The following SUCLG2 variants were observed in gnomAD, a reference collection of about 807,000 sequenced individuals.
SUCLG2 encodes the protein succinate--CoA ligase [GDP-forming] subunit beta, mitochondrial.
A neutral mutation model predicts 47.9 loss-of-function variants in SUCLG2; 42 were observed. That is an observed-to-expected ratio of 0.88 (90% CI 0.69 to 1.14). The LOEUF (loss-of-function observed/expected upper bound fraction) is 1.14. Among genes scored for constraint, SUCLG2 ranks in the 50% most tolerant of loss-of-function variants. The pLI is 0.00. For synonymous variants in SUCLG2, 195 were observed against 197.3 expected (o/e 0.99, Z 0.10); for missense variants, 571 against 525.9 (o/e 1.09, Z -0.84).
intron 1 of SUCLG2, among the ~76,000 whole-genome samples, chr3:67,639,914 C>T (rs1241036048): frequency 2.0e-5 from 3 of 152,214 alleles, no homozygotes; most frequent in Non-Finnish European, 4.4e-5. Flanking sequence ...ATTCTTGCTA[C>T]ATCTAGAGAA....
At chr3:67,481,564 T>C (rs564467449) in intron 9 of SUCLG2, among the ~76,000 whole-genome samples, 2 of 152,294 alleles carry the variant, frequency 1.3e-5, no homozygotes, top group East Asian at 3.9e-4. Flanking sequence ...TCTAACAGCT[T>C]AAAAATTGTT....
At chr3:67,620,537 A>T (rs1265184244) in intron 1 of SUCLG2, among the ~76,000 whole-genome samples, 1 of 142,252 alleles carries the variant, frequency 7.0e-6, no homozygotes, top group Non-Finnish European at 1.5e-5. Context: ...GTGAAACGAG[A>T]ATGCACCATT....
intron 4 of SUCLG2, among the ~76,000 whole-genome samples, chr3:67,523,457 G>A (rs1273199982): frequency 1.3e-5 from 2 of 152,164 alleles, no homozygotes; most frequent in Non-Finnish European, 2.9e-5. Context: ...CCATCAGTCA[G>A]TGCCTAATTC....
At chr3:67,528,653 A>G (rs1271143633) in intron 3 of SUCLG2, among the ~76,000 whole-genome samples, 2 of 152,202 alleles carry the variant, frequency 1.3e-5, no homozygotes, top group Non-Finnish European at 2.9e-5. Context: ...GAAAGTGTTC[A>G]GTGCTAGGAG....
Position 67,654,538 on chromosome 3 carries a change from C to G in SUCLG2, c.49G>C (p.Ala17Pro), listed in dbSNP as rs545712994. ...AQAGKLLRAL[A>P]LRPRFLAAGS... ...GCCGCCAGGAAGCGGGGCCGCAGCG[C>G]TAGGGCTCGCAGAAGCTTCCCGGCC... The change falls in exon 1 of 11, where the codon GCG (alanine) becomes CCG (proline). Residue 17 changes from alanine to proline, a missense_variant. Ala to Pro is a conservative substitution (Grantham distance 27). Coordinates refer to ENST00000307227, the MANE Select transcript of SUCLG2 (RefSeq NM_003848.4). The G allele has an allele frequency of 2.4e-6, 3 of 1,262,806 alleles. No individual in the cohort carries two copies. Among genetic ancestry groups the G allele is most frequent in the Non-Finnish European group, 3.0e-6 (3 of 1,001,884 alleles). 78.2% of individuals were successfully genotyped at this position (1,262,806 alleles called of 1,614,324 possible).
chr3:67,389,087 G>C (rs974069984), intron 10 of SUCLG2, among the ~76,000 whole-genome samples: 9 of 152,044 alleles, frequency 5.9e-5, no homozygotes, highest in Non-Finnish European at 1.3e-4. Flanking sequence ...TGGGAAAACT[G>C]AGTAGGTACC....
At chr3:67,413,319 G>T (rs1702968601) in intron 9 of SUCLG2, among the ~76,000 whole-genome samples, 2 of 152,158 alleles carry the variant, frequency 1.3e-5, no homozygotes, top group African/African-American at 4.8e-5. Flanking sequence ...CTAAGAAAGT[G>T]ACTTGAAATC....
chr3:67,468,798 T>A (rs1458424808), intron 9 of SUCLG2, among the ~76,000 whole-genome samples: 1 of 152,194 alleles, frequency 6.6e-6, no homozygotes, highest in Non-Finnish European at 1.5e-5. Context: ...CTGCTGTTTT[T>A]AAGCCACTAA....
intron 9 of SUCLG2, among the ~76,000 whole-genome samples, chr3:67,407,108 T>C (rs1390867677): frequency 6.6e-6 from 1 of 152,182 alleles, no homozygotes; most frequent in East Asian, 1.9e-4. Context: ...TGTTGCAGCA[T>C]GAAAGCAATC....
intron 10 of SUCLG2, among the ~76,000 whole-genome samples, chr3:67,388,996 C>G (rs1028755747): frequency 1.3e-5 from 2 of 151,946 alleles, no homozygotes; most frequent in African/African-American, 4.8e-5. Context: ...AAAACTGAAG[C>G]CCAGGACCTG....
At position 67,636,543 on chromosome 3, in the gene SUCLG2, G is replaced by A. The variant is rs1209159912; in HGVS notation, c.84+17960C>T. Among the ~76,000 whole-genome samples, 8 of 152,090 alleles carry A rather than the reference G, an allele frequency of 5.3e-5. No individual in the cohort carries two copies. The South Asian group carries it at 1.0e-3, about 20-fold the overall frequency. ...AATTTTTTGTGTTTTTAGTAGAGAC[G>A]GGGTTTCACCGTGTTAGCCAGGATG... On this transcript the variant is annotated intron_variant, in intron 1 of 10. Transcript: ENST00000307227.
chr3:67,386,890 T>C (rs1311170656), intron 10 of SUCLG2, among the ~76,000 whole-genome samples: 1 of 152,168 alleles, frequency 6.6e-6, no homozygotes, highest in Non-Finnish European at 1.5e-5. Flanking sequence ...AGTCCAAGGA[T>C]ATTTTGACTC....
At chr3:67,368,422 T>G (rs1305456467) in intron 10 of SUCLG2, among the ~76,000 whole-genome samples, 1 of 152,158 alleles carries the variant, frequency 6.6e-6, no homozygotes, top group Non-Finnish European at 1.5e-5. Flanking sequence ...ACTTTCATTT[T>G]TAGTTGCTGG....
chr3:67,561,336 G>A lies in SUCLG2; in HGVS notation c.227-32150C>T, dbSNP rs541451972. On this transcript the variant is annotated intron_variant, in intron 2 of 10. Transcript: ENST00000307227. ...GGACACAGATGAGCACCAAGAAAAT[G>A]AAGTGGGTCTTTAACATCTTTTGCT... Among the ~76,000 whole-genome samples the A allele has an allele frequency of 4.6e-3, 702 of 152,058 alleles. 6 individuals carry two copies. Among genetic ancestry groups the A allele is most frequent in the African/African-American group, 0.016 (666 of 41,470 alleles).
intron 2 of SUCLG2, among the ~76,000 whole-genome samples, chr3:67,596,932 A>C (rs1442199309): frequency 6.6e-6 from 1 of 152,228 alleles, no homozygotes; most frequent in African/African-American, 2.4e-5. Flanking sequence ...CTTTAAACTG[A>C]AATGAGCACA....
intron 1 of SUCLG2, among the ~76,000 whole-genome samples, chr3:67,646,092 AG>A (rs1276498639): frequency 3.9e-4 from 5 of 12,910 alleles, no homozygotes; most frequent in Admixed American, 9.7e-4. Flanking sequence ...AGGGGAGGGC[AG>A]GGGAGGGGAG....
intron 2 of SUCLG2, among the ~76,000 whole-genome samples, chr3:67,546,972 T>A (rs538381198): frequency 6.6e-6 from 1 of 152,292 alleles, no homozygotes; most frequent in Admixed American, 6.5e-5. Context: ...AGTCTATTCC[T>A]CCTATCCACA....
chr3:67,602,337 T>G (rs1267436692), intron 2 of SUCLG2, among the ~76,000 whole-genome samples: 1 of 152,216 alleles, frequency 6.6e-6, no homozygotes, highest in Non-Finnish European at 1.5e-5. Context: ...AGTTTCAAAG[T>G]ACTGTTCTCA....
intron 10 of SUCLG2, among the ~76,000 whole-genome samples, chr3:67,380,085 G>C (rs535394016): frequency 1.3e-5 from 2 of 152,172 alleles, no homozygotes; most frequent in African/African-American, 4.8e-5. Flanking sequence ...CTTTTTGATA[G>C]ATCTCCTTGC....
Sources: allele counts gnomAD v4.1 joint callset (sites outside exome capture counted in the v4.1 genomes callset), GRCh38; gene constraint gnomAD v4.1.1; transcripts MANE v1.5; gene names NCBI Gene and HGNC (gene_info 2026-07-23, HGNC 2026-07-21).